The following WWOX variants were observed in gnomAD, a reference collection of about 807,000 sequenced individuals.
WWOX encodes WW domain-containing oxidoreductase.
In WWOX, 69 loss-of-function variants were observed where a neutral mutation model predicts 46.2. That is an observed-to-expected ratio of 1.49 (90% confidence interval 1.23 to 1.82). WWOX has a LOEUF of 1.82. Among genes scored for constraint, WWOX ranks in the 40% most tolerant of loss-of-function variants. The pLI is 0.00. For synonymous variants in WWOX, 359 were observed against 202.6 expected, an observed-to-expected ratio of 1.77 and a Z score of -6.56; for missense variants, 919 against 542.6, an observed-to-expected ratio of 1.69 and a Z score of -6.89.
intron 8 of WWOX, among the ~76,000 whole-genome samples, chr16:78,746,695 C>G (rs937398491): frequency 1.3e-5 from 2 of 151,876 alleles, no homozygotes; most frequent in Non-Finnish European, 2.9e-5. Flanking sequence ...TTCCCATAGC[C>G]AATGCCTTTT....
intron 1 of WWOX, among the ~76,000 whole-genome samples, chr16:78,104,419 G>A (rs893684017): frequency 6.6e-6 from 1 of 152,098 alleles, no homozygotes; most frequent in Non-Finnish European, 1.5e-5. Context: ...TGGGAGGATC[G>A]CCTGAGCCCA....
chr16:78,785,576 C>T (rs939146462), intron 8 of WWOX, among the ~76,000 whole-genome samples: 62 of 152,160 alleles, frequency 4.1e-4, no homozygotes, highest in African/African-American at 1.5e-3. Flanking sequence ...GAATAGTATA[C>T]ACAGTACTGT....
intron 8 of WWOX, among the ~76,000 whole-genome samples, chr16:78,643,589 G>A (rs948212550): frequency 6.6e-6 from 1 of 152,130 alleles, no homozygotes; most frequent in Admixed American, 6.5e-5. Context: ...AGGAGAGGGA[G>A]GTTAATCAGC....
intron 8 of WWOX, among the ~76,000 whole-genome samples, chr16:78,888,082 TAATG>T (rs2044505877): frequency 1.3e-5 from 2 of 152,362 alleles, no homozygotes; most frequent in South Asian, 4.1e-4. Flanking sequence ...TTTTATTTCT[TAATG>T]AATCATCTTT....
At chr16:78,988,596 A>G (rs2046826076) in intron 8 of WWOX, among the ~76,000 whole-genome samples, 1 of 152,104 alleles carries the variant, frequency 6.6e-6, no homozygotes, top group Non-Finnish European at 1.5e-5. Context: ...ACTCTTTGCC[A>G]TTGTTCAAGC....
At chr16:78,730,097 C>A (rs964241750) in intron 8 of WWOX, among the ~76,000 whole-genome samples, 1 of 152,094 alleles carries the variant, frequency 6.6e-6, no homozygotes, top group Non-Finnish European at 1.5e-5. Flanking sequence ...GTGTTTTACT[C>A]CTTGCTATAA....
chr16:78,769,219 C>G (rs1238380474), intron 8 of WWOX, among the ~76,000 whole-genome samples: 2 of 152,206 alleles, frequency 1.3e-5, no homozygotes, highest in Admixed American at 1.3e-4. Flanking sequence ...TGAGTGCTTA[C>G]TATATACCAG....
At chr16:78,533,545 G>A (rs964501791) in intron 8 of WWOX, among the ~76,000 whole-genome samples, 1 of 152,160 alleles carries the variant, frequency 6.6e-6, no homozygotes. Context: ...TAGTCTACAG[G>A]TTCTTCAAGA....
chr16:78,941,122 G>C (rs1012660728), intron 8 of WWOX, among the ~76,000 whole-genome samples: 15 of 152,096 alleles, frequency 9.9e-5, no homozygotes, highest in Non-Finnish European at 1.6e-4. Context: ...TCTAGAAAGC[G>C]TTCTTGCAGT....
intron 8 of WWOX, among the ~76,000 whole-genome samples, chr16:79,151,520 T>A (rs970482378): frequency 2.6e-5 from 4 of 152,200 alleles, no homozygotes; most frequent in African/African-American, 9.7e-5. Flanking sequence ...TGATCAGTGT[T>A]CAGGTTGAAG....
chr16:78,498,067 T>C (rs1478934095), intron 8 of WWOX, among the ~76,000 whole-genome samples: 1 of 151,286 alleles, frequency 6.6e-6, no homozygotes, highest in African/African-American at 2.4e-5. Context: ...TAGCTGTGCG[T>C]GGTGGCGGGC....
At chr16:78,118,113 T>G (rs1224661102) in intron 4 of WWOX, among the ~76,000 whole-genome samples, 1 of 151,606 alleles carries the variant, frequency 6.6e-6, no homozygotes, top group Non-Finnish European at 1.5e-5. Context: ...ATCTCACTGA[T>G]AAAGAAGGGG....
chr16:78,230,314 C>A (rs947458010), intron 5 of WWOX, among the ~76,000 whole-genome samples: 2 of 152,136 alleles, frequency 1.3e-5, no homozygotes, highest in Non-Finnish European at 2.9e-5. Context: ...AATGAACTTA[C>A]AAAAGGCCAG....
At chr16:78,978,287 C>T (rs1393998762) in intron 8 of WWOX, among the ~76,000 whole-genome samples, 4 of 152,204 alleles carry the variant, frequency 2.6e-5, no homozygotes, top group African/African-American at 9.7e-5. Context: ...CTTGTGAATC[C>T]ATGCTGCTGT....
chr16:78,647,456 C>A (rs117233841), intron 8 of WWOX, among the ~76,000 whole-genome samples: 1 of 152,118 alleles, frequency 6.6e-6, no homozygotes, highest in Non-Finnish European at 1.5e-5. Flanking sequence ...ATCATGGACC[C>A]GTTCAGTACA....
chr16:78,608,125 G>T (rs1477033840), intron 8 of WWOX, among the ~76,000 whole-genome samples: 1 of 152,140 alleles, frequency 6.6e-6, no homozygotes, highest in Non-Finnish European at 1.5e-5. Context: ...CCAAGCCTGA[G>T]AGTGCCTGAA....
chr16:78,211,901 C>G (rs1302264514), intron 5 of WWOX, among the ~76,000 whole-genome samples: 2 of 152,218 alleles, frequency 1.3e-5, no homozygotes, highest in Non-Finnish European at 2.9e-5. Context: ...TTAACTGCCC[C>G]TACCCTCTCT....
chr16:78,521,959 C>G (rs1484427589), intron 8 of WWOX, among the ~76,000 whole-genome samples: 1 of 151,940 alleles, frequency 6.6e-6, no homozygotes, highest in Non-Finnish European at 1.5e-5. Flanking sequence ...GTATTTGAAG[C>G]TCACAGCAGG....
intron 8 of WWOX, among the ~76,000 whole-genome samples, chr16:79,008,443 T>G (rs942717670): frequency 5.3e-5 from 8 of 152,126 alleles, no homozygotes; most frequent in Non-Finnish European, 1.5e-5. Context: ...GTAGCCTAAC[T>G]CACTCAGGGG....
Sources: allele counts gnomAD v4.1 joint callset (sites outside exome capture counted in the v4.1 genomes callset), GRCh38; gene constraint gnomAD v4.1.1; transcripts MANE v1.5; gene names NCBI Gene and HGNC (gene_info 2026-07-23, HGNC 2026-07-21).